ASAP2: variants seen among roughly 807,000 people sequenced by gnomAD.
ASAP2 encodes ArfGAP with SH3 domain, ankyrin repeat and PH domain 2.
In ASAP2, 45 loss-of-function variants were observed where a neutral mutation model predicts 131.4. The ratio of observed to expected loss-of-function variants is 0.34; its 90% CI spans 0.27 to 0.44. ASAP2 has a LOEUF of 0.44. ASAP2 is among the 20% of genes least tolerant of loss of function. The pLI, the probability that ASAP2 is intolerant of heterozygous loss-of-function variation, is 1.00. For missense variants in ASAP2, 1,011 were observed against 1,297.0 expected, an observed-to-expected ratio of 0.78 and a Z score of 3.39; for synonymous variants, 510 against 503.0, an observed-to-expected ratio of 1.01 and a Z score of -0.19.
intron 16 of ASAP2, among the ~76,000 whole-genome samples, chr2:9,371,119 G>A (rs1440114462): frequency 1.3e-5 from 2 of 152,178 alleles, no homozygotes; most frequent in African/African-American, 2.4e-5. Context: ...TGAACGTTCT[G>A]TCTGCACTGT....
chr2:9,237,775 C>T (rs527645800), intron 1 of ASAP2, among the ~76,000 whole-genome samples: 1 of 152,216 alleles, frequency 6.6e-6, no homozygotes, highest in Admixed American at 6.5e-5. Context: ...TTTTCTTGCT[C>T]ACCTGGTGGA....
intron 18 of ASAP2, among the ~76,000 whole-genome samples, chr2:9,377,986 A>G (rs1435127044): frequency 2.6e-5 from 4 of 152,104 alleles, no homozygotes; most frequent in African/African-American, 7.2e-5. Flanking sequence ...CTCTCCCTCC[A>G]TGCACATTTT....
chr2:9,386,932 C>T (rs908363941), intron 21 of ASAP2, among the ~76,000 whole-genome samples: 5 of 152,282 alleles, frequency 3.3e-5, no homozygotes, highest in East Asian at 3.9e-4. Flanking sequence ...CGGCCGAGCG[C>T]GGGGGCTCAC....
chr2:9,345,559 A>G (rs1671908173), intron 11 of ASAP2, among the ~76,000 whole-genome samples: 1 of 152,188 alleles, frequency 6.6e-6, no homozygotes, highest in Non-Finnish European at 1.5e-5. Flanking sequence ...ATGGGCTGGT[A>G]GACAGCTTTG....
At chr2:9,391,303 GC>G in intron 23 of ASAP2, 107 bp downstream of exon 23, 1 of 1,456,298 alleles carries the variant, frequency 6.9e-7, no homozygotes. Context: ...CGTGCCAAGT[GC>G]CCCGTGTTGT....
intron 1 of ASAP2, among the ~76,000 whole-genome samples, chr2:9,258,334 T>G (rs1247650443): frequency 1.1e-5 from 1 of 94,954 alleles, no homozygotes; most frequent in Non-Finnish European, 2.3e-5. Context: ...AATCAGTAGT[T>G]GTTTTTTTTT....
chr2:9,362,194 T>C (rs1205185550), intron 15 of ASAP2, among the ~76,000 whole-genome samples: 1 of 152,210 alleles, frequency 6.6e-6, no homozygotes, highest in Non-Finnish European at 1.5e-5. Context: ...CAGAGTTGCA[T>C]GCCATGCAGG....
At chr2:9,353,381 A>G (rs931193928) in intron 12 of ASAP2, among the ~76,000 whole-genome samples, 3 of 152,096 alleles carry the variant, frequency 2.0e-5, no homozygotes, top group African/African-American at 4.8e-5. Context: ...ACTGGGCAAC[A>G]TAGCAAGACC....
intron 21 of ASAP2, among the ~76,000 whole-genome samples, chr2:9,386,419 C>A (rs1675265711): frequency 6.6e-6 from 1 of 152,128 alleles, no homozygotes; most frequent in Non-Finnish European, 1.5e-5. Flanking sequence ...TCTGCCCCAG[C>A]CTGCCTCTTC....
chr2:9,226,859 T>A (rs540924132), intron 1 of ASAP2, among the ~76,000 whole-genome samples: 3 of 151,978 alleles, frequency 2.0e-5, no homozygotes, highest in African/African-American at 7.2e-5. Context: ...AGGCGGGAGG[T>A]CTGGAGAGAG....
At chr2:9,216,566 T>G (rs1165161581) in intron 1 of ASAP2, among the ~76,000 whole-genome samples, 1 of 150,738 alleles carries the variant, frequency 6.6e-6, no homozygotes, top group Non-Finnish European at 1.5e-5. Context: ...GTTCAAGTGA[T>G]TCTTGTGCCT....
chr2:9,280,743 G>C (rs1326342417), intron 2 of ASAP2, among the ~76,000 whole-genome samples: 1 of 152,202 alleles, frequency 6.6e-6, no homozygotes, highest in Non-Finnish European at 1.5e-5. Context: ...TACAGAAGGT[G>C]GCCATCCGTC....
chr2:9,354,696 T>G (rs1330241804), intron 12 of ASAP2, among the ~76,000 whole-genome samples: 1 of 151,222 alleles, frequency 6.6e-6, no homozygotes, highest in East Asian at 1.9e-4. Flanking sequence ...TTGTAGAAAG[T>G]GGTCGGGCCA....
chr2:9,317,472 CTCAG>C (rs1256765055), intron 3 of ASAP2, among the ~76,000 whole-genome samples: 14 of 145,270 alleles, frequency 9.6e-5, no homozygotes, highest in East Asian at 2.2e-4. Context: ...TCACCTTATA[CTCAG>C]TCACTTACAC....
intron 2 of ASAP2, among the ~76,000 whole-genome samples, chr2:9,287,773 T>G (rs908600604): frequency 1.4e-5 from 2 of 144,310 alleles, no homozygotes; most frequent in Non-Finnish European, 3.2e-5. Context: ...GAGTCCAGCC[T>G]TCTCCCCGCT....
intron 1 of ASAP2, among the ~76,000 whole-genome samples, chr2:9,244,553 G>A (rs1042135354): frequency 3.3e-5 from 5 of 152,180 alleles, no homozygotes; most frequent in African/African-American, 9.7e-5. Flanking sequence ...TAATGTCCAC[G>A]GGAAGAGCTT....
chr2:9,335,497 T>C (rs1031566205), intron 9 of ASAP2, among the ~76,000 whole-genome samples: 22 of 152,242 alleles, frequency 1.4e-4, no homozygotes, highest in Non-Finnish European at 4.4e-5. Flanking sequence ...CTATTTATCC[T>C]GTACCTGGCC....
intron 3 of ASAP2, among the ~76,000 whole-genome samples, chr2:9,315,625 A>C (rs891719502): frequency 6.6e-6 from 1 of 151,994 alleles, no homozygotes; most frequent in Non-Finnish European, 1.5e-5. Context: ...CTGTGACGGG[A>C]GTTTCATTCC....
At chr2:9,352,212 AAC>A (rs58275721) in intron 12 of ASAP2, among the ~76,000 whole-genome samples, 216 of 150,080 alleles carry the variant, frequency 1.4e-3, no homozygotes, top group African/African-American at 5.1e-3. Flanking sequence ...AACACACACA[AAC>A]ACACACACAC....
Sources: gnomAD v4.1 joint callset for allele counts (sites outside exome capture counted in the v4.1 genomes callset) on GRCh38, gnomAD v4.1.1 for gene constraint, MANE v1.5 for transcripts, NCBI Gene and HGNC (gene_info 2026-07-23, HGNC 2026-07-21) for gene names.